Variants in CSMD1 observed in about 807,000 individuals in gnomAD.
CSMD1 encodes the protein CUB and Sushi multiple domains 1.
In CSMD1, 213 loss-of-function variants were observed where a neutral mutation model predicts 417.5. The ratio of observed to expected loss-of-function variants is 0.51; its 90% confidence interval spans 0.46 to 0.57. CSMD1 has a LOEUF of 0.57. Ranked by LOEUF, CSMD1 falls within the 20% of genes least tolerant of loss-of-function variation. The pLI is 0.00. For missense variants in CSMD1, 6,923 were observed against 4,529.7 expected, an observed-to-expected ratio of 1.53 and a Z score of -15.17; for synonymous variants, 2,862 against 1,736.8, an observed-to-expected ratio of 1.65 and a Z score of -16.11.
chr8:3,752,602 C>T (rs575661797), intron 6 of CSMD1, among the ~76,000 whole-genome samples: 14 of 137,472 alleles, frequency 1.0e-4, no homozygotes, highest in Non-Finnish European at 2.0e-4. Context: ...TGCAGTGAGG[C>T]AAGACTGCAC....
rs1032547416 is a variant in CSMD1 at position 3,932,765 on chromosome 8, T to C, written c.818+65138A>G. On this transcript the variant is annotated intron_variant, in intron 5 of 69. Transcript: ENST00000635120. Reference sequence around the variant, plus strand: ...TAATGGGATAAACCACTAATAACCATAAAGGTTAATGAAGCTGAGTTTTCA... The same window carrying C: ...TAATGGGATAAACCACTAATAACCACAAAGGTTAATGAAGCTGAGTTTTCA... Among the ~76,000 whole-genome samples the C allele has an allele frequency of 4.0e-5, 6 of 150,402 alleles. 1 individual carries two copies. The highest frequency in any genetic ancestry group is 1.2e-4 in the African/African-American group (5 of 40,768).
intron 7 of CSMD1, among the ~76,000 whole-genome samples, chr8:3,658,464 G>GTATATATATATATATATATATATATA (rs113956125): frequency 6.2e-5 from 9 of 144,172 alleles, no homozygotes; most frequent in Non-Finnish European, 1.2e-4. Context: ...TATATATATT[G>GTATATATATATATATATATATATATA]TGTATATATA....
chr8:4,983,946 A>C (rs1191651534), intron 1 of CSMD1, among the ~76,000 whole-genome samples: 1 of 152,176 alleles, frequency 6.6e-6, no homozygotes, highest in Admixed American at 6.5e-5. Context: ...CAATGGCGAG[A>C]AAACTGAAGG....
chr8:4,035,962 T>C (rs550620167), intron 3 of CSMD1, among the ~76,000 whole-genome samples: 4 of 152,298 alleles, frequency 2.6e-5, no homozygotes, highest in Non-Finnish European at 4.4e-5. Flanking sequence ...GTAAGTGTCC[T>C]ATGAGAGTGT....
chr8:3,667,585 C>T (rs1798764544), intron 7 of CSMD1, among the ~76,000 whole-genome samples: 1 of 152,128 alleles, frequency 6.6e-6, no homozygotes, highest in Non-Finnish European at 1.5e-5. Flanking sequence ...ACAACATAAA[C>T]ACCTGAGATG....
chr8:3,315,460 G>GTGTGTGTGTGTT (rs370216684), intron 23 of CSMD1, among the ~76,000 whole-genome samples: 27,989 of 151,468 alleles, frequency 0.18, 2,864 homozygotes, highest in Non-Finnish European at 0.23. Flanking sequence ...GTGTGTGTGT[G>GTGTGTGTGTGTT]TGATTTTTAA....
At chr8:4,453,149 A>C (rs1799249148) in intron 2 of CSMD1, among the ~76,000 whole-genome samples, 1 of 151,930 alleles carries the variant, frequency 6.6e-6, no homozygotes, top group Admixed American at 6.6e-5. Flanking sequence ...ATTTGAGGCA[A>C]ATATGGCACA....
intron 57 of CSMD1, among the ~76,000 whole-genome samples, chr8:2,971,631 A>G (rs1319489249): frequency 6.6e-6 from 1 of 152,222 alleles, no homozygotes; most frequent in East Asian, 1.9e-4. Flanking sequence ...ACTATATGAA[A>G]GAGTAGAAAA....
chr8:3,185,014 C>G (rs1821654518), intron 36 of CSMD1, among the ~76,000 whole-genome samples: 1 of 152,152 alleles, frequency 6.6e-6, no homozygotes, highest in Non-Finnish European at 1.5e-5. Flanking sequence ...TAGTCTTAAT[C>G]ATATGTATAA....
chr8:3,751,306 G>GTGTT (rs1353915491), intron 6 of CSMD1, among the ~76,000 whole-genome samples: 1 of 144,650 alleles, frequency 6.9e-6, no homozygotes, highest in Non-Finnish European at 1.5e-5. Context: ...TGAAGTGTGT[G>GTGTT]TGTGTGTGTG....
At chr8:3,321,663 A>T (rs1238681218) in intron 23 of CSMD1, among the ~76,000 whole-genome samples, 1 of 152,094 alleles carries the variant, frequency 6.6e-6, no homozygotes, top group Admixed American at 6.6e-5. Context: ...TACTATATTT[A>T]ACTGGTGCTT....
intron 5 of CSMD1, among the ~76,000 whole-genome samples, chr8:3,768,291 G>T (rs1412281777): frequency 1.3e-5 from 2 of 152,178 alleles, no homozygotes; most frequent in African/African-American, 2.4e-5. Flanking sequence ...GAGCTAGGTG[G>T]TTGGTTCACC....
chr8:3,063,945 T>A (rs1386829664), intron 49 of CSMD1, among the ~76,000 whole-genome samples: 1 of 152,182 alleles, frequency 6.6e-6, no homozygotes. Context: ...ACCACTGAAC[T>A]GTACACTTAA....
chr8:2,982,532 G>A (rs1032890973), intron 54 of CSMD1, among the ~76,000 whole-genome samples: 7 of 152,176 alleles, frequency 4.6e-5, no homozygotes, highest in African/African-American at 1.7e-4. Flanking sequence ...ACTGTGTTTT[G>A]AGATTTGATG....
chr8:4,286,153 G>A (rs1398741100), intron 3 of CSMD1, among the ~76,000 whole-genome samples: 1 of 151,796 alleles, frequency 6.6e-6, no homozygotes, highest in Admixed American at 6.6e-5. Context: ...GTTCTTTCTG[G>A]TACCATAAAC....
At chr8:3,379,469 G>C (rs28789485) in intron 18 of CSMD1, among the ~76,000 whole-genome samples, 3,571 of 152,234 alleles carry the variant, frequency 0.023, 143 homozygotes, top group African/African-American at 0.082. Context: ...AACATAGTTG[G>C]AGGCATCGTG....
chr8:3,660,419 GAT>G (rs1798352334), intron 7 of CSMD1, among the ~76,000 whole-genome samples: 1 of 148,178 alleles, frequency 6.7e-6, no homozygotes, highest in Non-Finnish European at 1.5e-5. Flanking sequence ...ATTGTTGTTT[GAT>G]CATCCAAGCA....
At chr8:4,765,681 C>A (rs570280951) in intron 1 of CSMD1, among the ~76,000 whole-genome samples, 1 of 152,156 alleles carries the variant, frequency 6.6e-6, no homozygotes, top group Non-Finnish European at 1.5e-5. Flanking sequence ...CTGGAGCAAA[C>A]GAAGGAGTGG....
At chr8:3,581,229 T>C (rs1800370061) in intron 9 of CSMD1, among the ~76,000 whole-genome samples, 1 of 152,200 alleles carries the variant, frequency 6.6e-6, no homozygotes. Flanking sequence ...TGTTTGCTTA[T>C]TTTAAAAATC....
Sources: allele counts gnomAD v4.1 joint callset (sites outside exome capture counted in the v4.1 genomes callset), GRCh38; gene constraint gnomAD v4.1.1; transcripts MANE v1.5; gene names NCBI Gene and HGNC (gene_info 2026-07-23, HGNC 2026-07-21).